Variants in CRYBA4 observed in about 807,000 individuals in gnomAD.
CRYBA4 encodes crystallin beta A4.
Under a neutral mutation model 31.7 loss-of-function variants are expected in CRYBA4, and 30 were observed. The ratio of observed to expected loss-of-function variants is 0.95; its 90% CI spans 0.71 to 1.28. CRYBA4 has a LOEUF of 1.28. Among genes scored for constraint, CRYBA4 ranks in the 50% most tolerant of loss-of-function variants. The pLI, the probability that CRYBA4 is intolerant of heterozygous loss-of-function variation, is 0.00. For synonymous variants in CRYBA4, 102 were observed against 102.3 expected (o/e 1.00, Z 0.02); for missense variants, 225 against 260.7 (o/e 0.86, Z 0.94).
chr22:26,607,210 A>G, the CRYBA4 span, among the ~76,000 whole-genome samples: 2 of 151,436 alleles, frequency 1.3e-5, no homozygotes, highest in Non-Finnish European at 2.9e-5. Flanking sequence ...TTTAGTAAAG[A>G]CGGGGTTTCG....
Position 26,623,215 on chromosome 22 carries a change from T to C in CRYBA4, c.40-19T>C, listed in dbSNP as rs1357163438. On this transcript the variant is annotated intron_variant, in intron 2 of 5. Transcript: ENST00000354760. ...GGGACTCTGATGCGGATCTCCACCT[T>C]TTTTTTTTCCTGGCACAGATGGTGG... 5 of 1,588,540 alleles carry C rather than the reference T, an allele frequency of 3.1e-6. No homozygotes were observed. The highest frequency in any genetic ancestry group is 4.3e-6 in the Non-Finnish European group (5 of 1,162,206).
upstream of CRYBA4, among the ~76,000 whole-genome samples, chr22:26,620,949 G>A (rs1040829314): frequency 6.6e-6 from 1 of 152,140 alleles, no homozygotes; most frequent in African/African-American, 2.4e-5. Flanking sequence ...CAGGACTCAG[G>A]TGTCCTCCAG....
chr22:26,623,414 T>A, intron 3 of CRYBA4, 62 bp downstream of exon 3: 1 of 1,328,566 alleles, frequency 7.5e-7, no homozygotes, highest in Non-Finnish European at 1.1e-6. Context: ...TAGAGACGGG[T>A]GCTAGGACTT....
chr22:26,629,884 C>T (rs1761754133), intron 5 of CRYBA4, among the ~76,000 whole-genome samples: 1 of 152,130 alleles, frequency 6.6e-6, no homozygotes, highest in Non-Finnish European at 1.5e-5. Context: ...TTTAGGAACC[C>T]CTTCTTCCTT....
At chr22:26,623,386 G>A in intron 3 of CRYBA4, 34 bp downstream of exon 3, 4 of 1,555,066 alleles carry the variant, frequency 2.6e-6, no homozygotes, top group African/African-American at 2.7e-5. Context: ...TGGGGTAGAG[G>A]GTGGACAGGA....
At chr22:26,620,556 CTTTTTTTTTT>C (rs60318967), upstream of CRYBA4, among the ~76,000 whole-genome samples, 50 of 88,508 alleles carry the variant, frequency 5.6e-4, no homozygotes, top group African/African-American at 2.0e-3. Context: ...TCATGCATTC[CTTTTTTTTTT>C]TTTTTTTTTT....
At chr22:26,592,978 C>A in the CRYBA4 span, among the ~76,000 whole-genome samples, 1 of 152,188 alleles carries the variant, frequency 6.6e-6, no homozygotes, top group African/African-American at 2.4e-5. Context: ...GCTCAGTGAA[C>A]CTTTCCAGGT....
the CRYBA4 span, among the ~76,000 whole-genome samples, chr22:26,598,313 G>A: frequency 2.0e-5 from 3 of 152,112 alleles, no homozygotes; most frequent in African/African-American, 7.2e-5. Flanking sequence ...TTATACGACT[G>A]CCTGCTTCCT....
the CRYBA4 span, chr22:26,612,002 A>G: frequency 1.8e-6 from 2 of 1,135,294 alleles, no homozygotes. Context: ...ATGCTGGAGA[A>G]ATGGCAGCTA....
At chr22:26,627,353 C>CTT (rs2145982156) in intron 4 of CRYBA4, among the ~76,000 whole-genome samples, 1 of 39,370 alleles carries the variant, frequency 2.5e-5, no homozygotes, top group South Asian at 1.7e-3. Context: ...CCCTCCCTCC[C>CTT]TCCCTCCTTT....
At chr22:26,616,134 C>G in the CRYBA4 span, 1 of 1,613,574 alleles carries the variant, frequency 6.2e-7, no homozygotes, top group Non-Finnish European at 8.5e-7. Flanking sequence ...ACCCCCAGGT[C>G]CTTACCCTGT....
the CRYBA4 span, among the ~76,000 whole-genome samples, chr22:26,615,521 T>C: frequency 1.3e-5 from 2 of 151,062 alleles, no homozygotes; most frequent in East Asian, 3.9e-4. Context: ...TCTATTCTTT[T>C]CTTTTTTTTT....
upstream of CRYBA4, among the ~76,000 whole-genome samples, chr22:26,621,751 C>T (rs1014839166): frequency 1.3e-5 from 2 of 152,206 alleles, no homozygotes; most frequent in Non-Finnish European, 2.9e-5. Flanking sequence ...CAATATTCCA[C>T]CTCTCTCCTT....
chr22:26,622,307 A>G (rs886765549), intron 1 of CRYBA4, among the ~76,000 whole-genome samples: 5 of 151,994 alleles, frequency 3.3e-5, no homozygotes, highest in African/African-American at 1.2e-4. Flanking sequence ...AGCAGCCACA[A>G]AAATTTTCCC....
At chr22:26,605,668 T>C in the CRYBA4 span, among the ~76,000 whole-genome samples, 2 of 78,570 alleles carry the variant, frequency 2.5e-5, no homozygotes, top group South Asian at 8.3e-4. Context: ...GTTAGATGTG[T>C]CTCAAAAAAA....
At chr22:26,619,416 C>G (rs573068847), upstream of CRYBA4, among the ~76,000 whole-genome samples, 1 of 152,232 alleles carries the variant, frequency 6.6e-6, no homozygotes, top group Non-Finnish European at 1.5e-5. Context: ...AACATAGTCA[C>G]ATGGCGGGAA....
the CRYBA4 span, among the ~76,000 whole-genome samples, chr22:26,611,532 T>A: frequency 2.2e-3 from 334 of 150,634 alleles, 1 homozygote; most frequent in African/African-American, 7.8e-3. Context: ...CAGACTGCAG[T>A]GGCGCAATCT....
chr22:26,600,447 G>A, the CRYBA4 span, among the ~76,000 whole-genome samples: 8 of 152,080 alleles, frequency 5.3e-5, no homozygotes, highest in Non-Finnish European at 8.8e-5. Flanking sequence ...GCATCAGTGC[G>A]TAGCAGCTGG....
At chr22:26,592,730 G>T in the CRYBA4 span, among the ~76,000 whole-genome samples, 1 of 152,330 alleles carries the variant, frequency 6.6e-6, no homozygotes, top group Non-Finnish European at 1.5e-5. Context: ...AGGGCATGGG[G>T]AGCCTGACTT....
Sources: allele counts gnomAD v4.1 joint callset (sites outside exome capture counted in the v4.1 genomes callset), GRCh38; gene constraint gnomAD v4.1.1; transcripts MANE v1.5; gene names NCBI Gene and HGNC (gene_info 2026-07-23, HGNC 2026-07-21).